LRRK1: variants seen among roughly 807,000 people sequenced by gnomAD.
LRRK1 encodes leucine-rich repeat serine/threonine-protein kinase 1.
Under a neutral mutation model 209.1 loss-of-function variants are expected in LRRK1, and 113 were observed. That is an observed-to-expected ratio of 0.54 (90% CI 0.46 to 0.63). LRRK1 has a LOEUF of 0.63. LRRK1 is among the 30% of genes least tolerant of loss of function. The probability of loss-of-function intolerance (pLI) is 0.00; values close to 1 mark genes in which losing one functional copy is unlikely to be tolerated. For synonymous variants in LRRK1, 1,144 were observed against 1,099.7 expected (o/e 1.04, Z -0.80); for missense variants, 2,284 against 2,632.2 (o/e 0.87, Z 2.89).
At chr15:100,942,155 A>C (rs978026243) in intron 2 of LRRK1, among the ~76,000 whole-genome samples, 1 of 152,190 alleles carries the variant, frequency 6.6e-6, no homozygotes, top group Non-Finnish European at 1.5e-5. Context: ...GGGCATCTCC[A>C]AGGTGTGCAC....
At chr15:100,989,850 G>T (rs1254938404) in intron 6 of LRRK1, among the ~76,000 whole-genome samples, 1 of 150,844 alleles carries the variant, frequency 6.6e-6, no homozygotes, top group Non-Finnish European at 1.5e-5. Flanking sequence ...TTTGTTTCTG[G>T]TTTTTTTTGG....
chr15:100,974,005 C>G, intron 3 of LRRK1, 38 bp downstream of exon 3: 1 of 1,242,254 alleles, frequency 8.0e-7, no homozygotes, highest in Non-Finnish European at 1.0e-6. Flanking sequence ...CCCATGCAGC[C>G]CCGGGCTGGA....
At chr15:101,032,679 T>C (rs1294276192) in intron 20 of LRRK1, among the ~76,000 whole-genome samples, 8 of 152,220 alleles carry the variant, frequency 5.3e-5, no homozygotes, top group Non-Finnish European at 1.0e-4. Context: ...AATTTTTGTA[T>C]ATGGGGTGAA....
At chr15:101,014,740 G>A (rs890341353) in intron 11 of LRRK1, among the ~76,000 whole-genome samples, 2 of 152,154 alleles carry the variant, frequency 1.3e-5, no homozygotes, top group Non-Finnish European at 2.9e-5. Context: ...GACACCAGTC[G>A]GATTGGATTA....
chr15:101,061,872 T>C (rs1158104300), intron 30 of LRRK1, among the ~76,000 whole-genome samples: 1 of 152,188 alleles, frequency 6.6e-6, no homozygotes, highest in African/African-American at 2.4e-5. Context: ...TAGCTGGGCA[T>C]GGTGGTGCGT....
At chr15:101,056,783 C>G (rs966016847) in intron 27 of LRRK1, 73 bp from the exon 28 acceptor site, 1 of 1,269,410 alleles carries the variant, frequency 7.9e-7, no homozygotes. Context: ...TCCCTGGTCC[C>G]TCCACCTGAG....
intron 20 of LRRK1, among the ~76,000 whole-genome samples, chr15:101,030,252 ACCCTC>A (rs2034223883): frequency 6.6e-6 from 1 of 150,564 alleles, no homozygotes; most frequent in Non-Finnish European, 1.5e-5. Context: ...CCAAGTACTG[ACCCTC>A]CCCTCTGGAG....
At chr15:100,973,455 C>T (rs924841672) in intron 2 of LRRK1, among the ~76,000 whole-genome samples, 6 of 152,192 alleles carry the variant, frequency 3.9e-5, no homozygotes, top group Non-Finnish European at 8.8e-5. Context: ...CTGAGACCCG[C>T]GGCTCTCTCG....
At chr15:101,046,244 C>A in intron 21 of LRRK1, 92 bp downstream of exon 21, 1 of 1,372,224 alleles carries the variant, frequency 7.3e-7, no homozygotes. Flanking sequence ...GCTGGGGGGC[C>A]CTGCCTGGAG....
chr15:100,926,518 G>A (rs550960947), intron 2 of LRRK1, among the ~76,000 whole-genome samples: 20 of 146,416 alleles, frequency 1.4e-4, no homozygotes, highest in Admixed American at 6.8e-4. Context: ...TCTCAACCAC[G>A]GCCCACACAG....
At chr15:100,972,856 G>A (rs865968998) in intron 2 of LRRK1, among the ~76,000 whole-genome samples, 16 of 151,914 alleles carry the variant, frequency 1.1e-4, no homozygotes, top group Middle Eastern at 3.2e-3. Context: ...GCTTTTTACT[G>A]TTGTTCCCTA....
chr15:101,013,607 C>T (rs2033387761), intron 10 of LRRK1, among the ~76,000 whole-genome samples: 1 of 152,068 alleles, frequency 6.6e-6, no homozygotes, highest in African/African-American at 2.4e-5. Flanking sequence ...GAGCGAGACC[C>T]TATCTCTAAA....
intron 20 of LRRK1, among the ~76,000 whole-genome samples, chr15:101,030,883 T>C (rs1425359750): frequency 6.6e-6 from 1 of 152,148 alleles, no homozygotes; most frequent in East Asian, 1.9e-4. Flanking sequence ...CTGCACCCTA[T>C]TTGTGTCTTT....
In LRRK1 at chr15:101,074,315, C is replaced by T. The variant is rs913692801; in HGVS notation, c.*5467C>T. 6.6e-6 allele frequency: 1 copy of T among 152,182 alleles called. No individual in the cohort carries two copies. Among genetic ancestry groups the T allele is most frequent in the Non-Finnish European group, 1.5e-5 (1 of 68,032 alleles). 9.4% of individuals were successfully genotyped at this position (152,182 alleles called of 1,614,324 possible). On this transcript the variant is annotated 3_prime_UTR_variant, in exon 34 of 34. Transcript: ENST00000388948. ...CCTCCCCTCCTCACACCCGGTCCGG[C>T]TTACAGTTTCCTTCCGTGACTAGCC... is the stretch of plus-strand genomic sequence containing the variant.
In LRRK1 at chr15:101,009,043, G is replaced by A. The variant is rs914203232; in HGVS notation, c.969G>A (p.Ser323=). ...HLGELPGVQS[S]DEIICSRLLE... ...GGGAGCTGCCTGGCGTGCAGTCATC[G>A]GACGAAATCATCTGTTCCAGGTGGC... is the stretch of plus-strand genomic sequence containing the variant. The change falls in exon 7 of 34, where the codon TCG becomes TCA. Residue 323 remains serine, a synonymous_variant. Coordinates refer to ENST00000388948, the MANE Select transcript of LRRK1 (RefSeq NM_024652.6). 15 of 1,613,958 alleles carry A rather than the reference G, an allele frequency of 9.3e-6. No individual in the cohort carries two copies. The highest frequency in any genetic ancestry group is 4.5e-5 in the East Asian group (2 of 44,890).
intron 2 of LRRK1, among the ~76,000 whole-genome samples, chr15:100,934,369 A>C (rs1419429011): frequency 6.6e-6 from 1 of 152,182 alleles, no homozygotes; most frequent in African/African-American, 2.4e-5. Context: ...TTATTAATTC[A>C]GCATGATTAT....
chr15:101,061,268 T>A lies in LRRK1; in HGVS notation c.4777T>A (p.Ser1593Thr). Residue 1593 changes from serine to threonine, a missense_variant, in exon 30 of 34, where the codon TCC (serine) becomes ACC (threonine). Ser to Thr is a moderately conservative substitution (Grantham distance 58, BLOSUM62 1). This residue lies in a region of LRRK1 where 643 missense variants were observed against 695.9 expected (regional missense o/e 0.92). Coordinates refer to ENST00000388948, the MANE Select transcript of LRRK1 (RefSeq NM_024652.6). ...GAGCTGCCAGCTCCAGGTCCAGAGA[T>A]CCCTGTGGACAGCCACCGAGGTAAG... is the stretch of plus-strand genomic sequence containing the variant. ...KVSCQLQVQR[S>T]LWTATEDQKI... 2 of 1,613,132 alleles carry A rather than the reference T, an allele frequency of 1.2e-6. No individual in the cohort carries two copies. Among genetic ancestry groups the A allele is most frequent in the Non-Finnish European group, 8.5e-7 (1 of 1,179,344 alleles).
At chr15:100,980,448 C>T (rs148108735) in intron 3 of LRRK1, among the ~76,000 whole-genome samples, 70 of 152,204 alleles carry the variant, frequency 4.6e-4, no homozygotes, top group Middle Eastern at 3.4e-3. Flanking sequence ...ACCATGGGTG[C>T]GTGGCATGAG....
chr15:100,941,414 G>C (rs1306776164), intron 2 of LRRK1, among the ~76,000 whole-genome samples: 866 of 71,108 alleles, frequency 0.012, 161 homozygotes, highest in African/African-American at 0.08. Context: ...GTGTGTCTCT[G>C]TGTGTGTGTG....
Sources: gnomAD v4.1 joint callset for allele counts (sites outside exome capture counted in the v4.1 genomes callset) on GRCh38, gnomAD v4.1.1 for gene constraint, gnomAD v4.1.1 regional missense constraint, MANE v1.5 for transcripts, NCBI Gene and HGNC (gene_info 2026-07-23, HGNC 2026-07-21) for gene names.